The following FAM20A variants were observed in gnomAD, a reference collection of about 807,000 sequenced individuals.
The protein encoded by FAM20A is pseudokinase FAM20A.
In FAM20A, 42 loss-of-function variants were observed where a neutral mutation model predicts 52.0. The observed-to-expected ratio is 0.81, with a 90% CI of 0.63 to 1.04. The LOEUF (loss-of-function observed/expected upper bound fraction) is 1.04, where lower values mean the gene tolerates loss of function less well. Among genes scored for constraint, FAM20A ranks in the 50% least tolerant of loss-of-function variants. The pLI, the probability that FAM20A is intolerant of heterozygous loss-of-function variation, is 0.00. For missense variants in FAM20A, 742 were observed against 712.7 expected (o/e 1.04, Z -0.47); for synonymous variants, 304 against 298.9 (o/e 1.02, Z -0.18).
At chr17:68,549,974 T>TTAG (rs1304595771) in intron 4 of FAM20A, among the ~76,000 whole-genome samples, 2 of 152,242 alleles carry the variant, frequency 1.3e-5, no homozygotes, top group African/African-American at 4.8e-5. Flanking sequence ...CCTGGCATAG[T>TTAG]TAGCCAACCA....
intron 3 of FAM20A, among the ~76,000 whole-genome samples, chr17:68,553,967 T>C (rs991615176): frequency 1.6e-5 from 2 of 123,944 alleles, no homozygotes; most frequent in African/African-American, 3.0e-5. Flanking sequence ...CATATATACA[T>C]ATATACACAC....
intron 1 of FAM20A, among the ~76,000 whole-genome samples, chr17:68,563,679 C>T (rs1235694203): frequency 6.6e-6 from 1 of 152,150 alleles, no homozygotes; most frequent in East Asian, 1.9e-4. Flanking sequence ...CACGCAGTGC[C>T]CTTGTTTCAT....
At chr17:68,552,215 T>A (rs2086869074) in intron 3 of FAM20A, among the ~76,000 whole-genome samples, 1 of 151,456 alleles carries the variant, frequency 6.6e-6, no homozygotes, top group African/African-American at 2.4e-5. Context: ...GAAACCAGCC[T>A]GGGCAACATA....
intron 8 of FAM20A, 106 bp from the exon 9 acceptor site, chr17:68,540,072 AGG>A: frequency 5.3e-6 from 3 of 566,830 alleles, no homozygotes; most frequent in South Asian, 5.1e-5. Context: ...CTTGAGAGAC[AGG>A]GGTGTGAACG....
At chr17:68,591,643 G>A (rs2088311951) in intron 1 of FAM20A, among the ~76,000 whole-genome samples, 1 of 152,240 alleles carries the variant, frequency 6.6e-6, no homozygotes, top group Non-Finnish European at 1.5e-5. Context: ...AAAACAGCCT[G>A]AAGGCTGAAC....
At chr17:68,545,761 C>CT (rs1369437977) in intron 4 of FAM20A, among the ~76,000 whole-genome samples, 5 of 152,232 alleles carry the variant, frequency 3.3e-5, no homozygotes, top group Admixed American at 3.3e-4. Context: ...GCTTTATCAA[C>CT]TAAGTTTGCA....
chr17:68,563,935 A>G (rs1188799709), intron 1 of FAM20A, among the ~76,000 whole-genome samples: 1 of 152,204 alleles, frequency 6.6e-6, no homozygotes, highest in Admixed American at 6.5e-5. Context: ...GTTGGTGACA[A>G]TGATGACAAT....
At position 68,535,853 on chromosome 17, in the gene FAM20A, A is replaced by G. The variant is rs1399607917; in HGVS notation, c.*1624T>C. On this transcript the variant is annotated 3_prime_UTR_variant, in exon 11 of 11. Transcript: ENST00000592554. The stretch of plus-strand genomic sequence containing the variant: ...AATTTGACTTCATAAATTGGGTGGG[A>G]TACTGTTGGGTTTTGTGTTACAGTG... 1 of 453,684 alleles carries G rather than the reference A, an allele frequency of 2.2e-6. No homozygotes were observed. Among genetic ancestry groups the G allele is most frequent in the African/African-American group, 2.0e-5 (1 of 49,864 alleles). 28.1% of individuals were successfully genotyped at this position (453,684 alleles called of 1,614,324 possible).
intron 4 of FAM20A, among the ~76,000 whole-genome samples, chr17:68,547,573 T>C (rs2086628098): frequency 6.6e-6 from 1 of 152,242 alleles, no homozygotes; most frequent in Non-Finnish European, 1.5e-5. Flanking sequence ...GTTATGGAGA[T>C]GGCTTTTTTC....
In FAM20A at chr17:68,600,331, G is replaced by A. The variant is rs746955310; in HGVS notation, c.336C>T (p.Ala112=). The change falls in exon 1 of 11, where the codon GCC becomes GCT. Residue 112 remains alanine (A), a synonymous_variant. Transcript: ENST00000592554. This position sits in a 1 kb window ranked among gnomAD's most constrained non-coding sequence, Gnocchi z 6.2. ...CCTGGCTGGCCAGGAGCGAGTCCTC[G>A]GCTCCCAGGAGAGGCGGCTCCTCCG... is the stretch of plus-strand genomic sequence containing the variant. ...NVPEEPPLLG[A]EDSLLASQEA... 2 of 1,596,240 alleles carry A rather than the reference G, an allele frequency of 1.3e-6. No homozygotes were observed. The highest frequency in any genetic ancestry group is 1.7e-6 in the Non-Finnish European group (2 of 1,171,892).
intron 1 of FAM20A, among the ~76,000 whole-genome samples, chr17:68,573,296 A>G (rs995668201): frequency 4.6e-5 from 7 of 152,202 alleles, no homozygotes; most frequent in Non-Finnish European, 7.3e-5. Flanking sequence ...AAATGTACCC[A>G]CCTTATAGAA....
intron 1 of FAM20A, among the ~76,000 whole-genome samples, chr17:68,579,026 A>C (rs1014813594): frequency 6.6e-6 from 1 of 151,486 alleles, no homozygotes; most frequent in Non-Finnish European, 1.5e-5. Flanking sequence ...AAAAAAAAAA[A>C]AAACATGTCT....
Position 68,535,154 on chromosome 17 carries a change from A to G in FAM20A, c.*2323T>C, listed in dbSNP as rs2086065858. ...ACTTTTTATTTCATGGGAGGTAAAC[A>G]GTTCAAAATGAACATGCTGGAAGAA... On this transcript the variant is annotated 3_prime_UTR_variant, in exon 11 of 11. Transcript: ENST00000592554. 1.5e-5 allele frequency: 6 copies of G among 401,540 alleles called. No individual in the cohort carries two copies. The highest frequency in any genetic ancestry group is 9.4e-5 in the South Asian group (5 of 53,346). 24.9% of individuals were successfully genotyped at this position (401,540 alleles called of 1,614,324 possible). A position where few individuals can be genotyped will look rare whatever the true frequency, so the allele number is the denominator to read the frequency against.
rs2086358657 is a variant in FAM20A, at chr17:68,542,676, C to T, written c.928+18G>A. ...CGATCTACTCAGACCCGGAATATCA[C>T]TCGGGCCAGTACTCTACCTGGAGAG... is the stretch of plus-strand genomic sequence containing the variant. On this transcript the variant is annotated intron_variant, in intron 6 of 10. Transcript: ENST00000592554. 6.3e-7 allele frequency: 1 copy of T among 1,586,732 alleles called. No individual in the cohort carries two copies. Among genetic ancestry groups the T allele is most frequent in the African/African-American group, 1.3e-5 (1 of 74,400 alleles).
chr17:68,548,931 A>G (rs1053996298), intron 4 of FAM20A, among the ~76,000 whole-genome samples: 2 of 151,414 alleles, frequency 1.3e-5, no homozygotes, highest in Non-Finnish European at 2.9e-5. Context: ...ACGGGGTTTC[A>G]CCGTGTTAGC....
chr17:68,571,993 T>TATATATA (rs2087557914), intron 1 of FAM20A, among the ~76,000 whole-genome samples: 1 of 15,730 alleles, frequency 6.4e-5, no homozygotes, highest in African/African-American at 5.3e-4. Context: ...CATACATATA[T>TATATATA]ATATATATAT....
At chr17:68,543,744 G>T (rs748042234) in intron 4 of FAM20A, 23 bp from the exon 5 acceptor site, 6 of 1,595,216 alleles carry the variant, frequency 3.8e-6, no homozygotes, top group Non-Finnish European at 5.2e-6. Context: ...AAGGAATCAC[G>T]CCCTGGACTC....
intron 1 of FAM20A, among the ~76,000 whole-genome samples, chr17:68,562,691 C>G (rs577817628): frequency 6.6e-6 from 1 of 151,192 alleles, no homozygotes; most frequent in Non-Finnish European, 1.5e-5. Context: ...AATATTTCCT[C>G]TTGTACTTGC....
Position 68,543,648 on chromosome 17 carries a change from C to T in FAM20A, c.793G>A (p.Ala265Thr), listed in dbSNP as rs374500334. 3.5e-5 allele frequency: 57 copies of T among 1,613,890 alleles called. No individual in the cohort carries two copies. In the African/African-American group the frequency reaches 3.9e-4, roughly 11 times the overall value. Residue 265 changes from alanine (A) to threonine (T), a missense_variant, in exon 5 of 11, where the codon GCA (alanine) becomes ACA (threonine). By Grantham distance (58) the Ala-to-Thr change is moderately conservative. Coordinates refer to ENST00000592554, the MANE Select transcript of FAM20A (RefSeq NM_017565.4). ...IDFQRHNAEI[A>T]AFHLDRILDF... is the part of the protein sequence containing the mutation. Reference sequence around the variant, plus strand: ...CCCTACCTGTCCAGATGGAAAGCTGCGATCTCAGCATTGTGTCTCTGAAAG... The same window carrying T: ...CCCTACCTGTCCAGATGGAAAGCTGTGATCTCAGCATTGTGTCTCTGAAAG...
Sources: allele counts gnomAD v4.1 joint callset (sites outside exome capture counted in the v4.1 genomes callset), GRCh38; gene constraint gnomAD v4.1.1; non-coding constraint Gnocchi (gnomAD v3.1); transcripts MANE v1.5; gene names NCBI Gene and HGNC (gene_info 2026-07-23, HGNC 2026-07-21).